Variants in CTNNA3 observed in about 807,000 individuals in gnomAD.
CTNNA3 encodes catenin alpha-3.
CTNNA3 carries 76 observed loss-of-function variants against 95.7 expected under a neutral mutation model. The observed-to-expected ratio is 0.79, with a 90% CI of 0.66 to 0.96. The LOEUF is 0.96. Ranked by LOEUF, CTNNA3 falls within the 40% of genes least tolerant of loss-of-function variation. CTNNA3 has a pLI of 0.00. For synonymous variants in CTNNA3, 431 were observed against 374.4 expected, an observed-to-expected ratio of 1.15 and a Z score of -1.74; for missense variants, 1,191 against 1,089.8, an observed-to-expected ratio of 1.09 and a Z score of -1.31.
Position 66,577,550 on chromosome 10 carries a change from C to T in CTNNA3, c.1374+44142G>A, listed in dbSNP as rs1273025539. Among the ~76,000 whole-genome samples the T allele has an allele frequency of 3.9e-5, 6 of 152,144 alleles. No individual in the cohort carries two copies. The East Asian group carries it at 1.2e-3, about 29-fold the overall frequency. On this transcript the variant is annotated intron_variant, in intron 10 of 17. Transcript: ENST00000433211. ...GTTTCAATCTTTTGCATATGGCTAG[C>T]CAGTGATCCCAGCACCATTTATTGA...
chr10:66,650,947 G>A (rs939503637), intron 9 of CTNNA3, among the ~76,000 whole-genome samples: 2 of 152,174 alleles, frequency 1.3e-5, no homozygotes, highest in African/African-American at 4.8e-5. Context: ...GCTGGCTCGG[G>A]CAGCCTCCTT....
intron 13 of CTNNA3, among the ~76,000 whole-genome samples, chr10:66,256,734 C>T (rs940100829): frequency 6.7e-6 from 1 of 148,598 alleles, no homozygotes; most frequent in Non-Finnish European, 1.5e-5. Context: ...AAAAAAAAAG[C>T]GTAAATTGGA....
At chr10:66,640,172 G>A (rs1845467963) in intron 9 of CTNNA3, among the ~76,000 whole-genome samples, 1 of 152,086 alleles carries the variant, frequency 6.6e-6, no homozygotes, top group Non-Finnish European at 1.5e-5. Flanking sequence ...TCTTTCCTGT[G>A]TCTTTTCTCC....
chr10:66,276,822 T>C (rs1439424756), intron 13 of CTNNA3, among the ~76,000 whole-genome samples: 1 of 146,752 alleles, frequency 6.8e-6, no homozygotes, highest in East Asian at 2.1e-4. Flanking sequence ...TATTATAGCC[T>C]ATTGTTTATT....
chr10:66,113,998 G>A (rs962099587), intron 13 of CTNNA3, among the ~76,000 whole-genome samples: 1 of 152,086 alleles, frequency 6.6e-6, no homozygotes, highest in East Asian at 1.9e-4. Flanking sequence ...AAATGGTGGT[G>A]GCAGCAGTAG....
intron 7 of CTNNA3, among the ~76,000 whole-genome samples, chr10:66,864,090 T>C (rs944060280): frequency 1.3e-5 from 2 of 152,130 alleles, no homozygotes; most frequent in African/African-American, 4.8e-5. Context: ...TTCTATGCCA[T>C]TATTGTTTTT....
chr10:66,274,045 C>A (rs556772155), intron 13 of CTNNA3, among the ~76,000 whole-genome samples: 16 of 152,032 alleles, frequency 1.1e-4, no homozygotes, highest in African/African-American at 3.9e-4. Flanking sequence ...CTTGGAAAAG[C>A]CAGGCAGGAT....
At chr10:66,840,918 A>G (rs1435321508) in intron 7 of CTNNA3, among the ~76,000 whole-genome samples, 1 of 152,170 alleles carries the variant, frequency 6.6e-6, no homozygotes, top group Non-Finnish European at 1.5e-5. Flanking sequence ...CATCTGTAAA[A>G]TGAGATGATT....
intron 1 of CTNNA3, among the ~76,000 whole-genome samples, chr10:67,650,766 C>A (rs1839854081): frequency 6.6e-6 from 1 of 152,182 alleles, no homozygotes; most frequent in Non-Finnish European, 1.5e-5. Flanking sequence ...ACAGCACGAA[C>A]CACGTTGTGT....
At chr10:67,670,992 T>A (rs1376154395) in intron 1 of CTNNA3, among the ~76,000 whole-genome samples, 1 of 152,174 alleles carries the variant, frequency 6.6e-6, no homozygotes, top group Admixed American at 6.5e-5. Flanking sequence ...TGTTTGTTTG[T>A]TTTTTGGTCT....
At chr10:66,687,900 C>A (rs1847360982) in intron 9 of CTNNA3, among the ~76,000 whole-genome samples, 1 of 151,882 alleles carries the variant, frequency 6.6e-6, no homozygotes, top group Admixed American at 6.6e-5. Flanking sequence ...ATATTGAGGT[C>A]AATTATACTA....
intron 5 of CTNNA3, among the ~76,000 whole-genome samples, chr10:67,367,834 G>A (rs12219960): frequency 6.6e-6 from 1 of 152,180 alleles, no homozygotes; most frequent in Non-Finnish European, 1.5e-5. Flanking sequence ...TTGCTTATAA[G>A]TGGGAGCTAA....
chr10:67,206,641 T>C (rs1185182335), intron 6 of CTNNA3, among the ~76,000 whole-genome samples: 1 of 150,520 alleles, frequency 6.6e-6, no homozygotes, highest in Non-Finnish European at 1.5e-5. Context: ...GCACTTCCAC[T>C]TAGGGAAGAA....
chr10:67,749,547 T>G (rs1276573692), intron 1 of CTNNA3, among the ~76,000 whole-genome samples: 1 of 152,188 alleles, frequency 6.6e-6, no homozygotes, highest in East Asian at 1.9e-4. Context: ...TTGAACAACC[T>G]GCTCCGAATG....
At chr10:66,928,013 C>G (rs774084468) in intron 7 of CTNNA3, 1 of 1,614,034 alleles carries the variant, frequency 6.2e-7, no homozygotes. Flanking sequence ...AAAAGTACTA[C>G]AGAGAGGTTT....
intron 5 of CTNNA3, among the ~76,000 whole-genome samples, chr10:67,301,275 T>C (rs1357417151): frequency 6.6e-6 from 1 of 152,096 alleles, no homozygotes; most frequent in African/African-American, 2.4e-5. Flanking sequence ...CTCCACAATC[T>C]TTACAATTAT....
intron 11 of CTNNA3, among the ~76,000 whole-genome samples, chr10:66,457,823 C>G (rs1018853688): frequency 3.3e-5 from 5 of 152,044 alleles, no homozygotes; most frequent in Admixed American, 3.3e-4. Context: ...TTGCATCTTG[C>G]AGATAAGCAG....
chr10:66,599,911 T>C (rs961910147), intron 10 of CTNNA3, among the ~76,000 whole-genome samples: 1 of 152,024 alleles, frequency 6.6e-6, no homozygotes, highest in Non-Finnish European at 1.5e-5. Flanking sequence ...GTCACTATGT[T>C]ACCTAGAGCT....
intron 7 of CTNNA3, among the ~76,000 whole-genome samples, chr10:66,957,049 T>C (rs779896934): frequency 6.6e-6 from 1 of 152,176 alleles, no homozygotes; most frequent in Admixed American, 6.6e-5. Flanking sequence ...TAATGCTACC[T>C]AGCTCTGTCT....
Sources: gnomAD v4.1 joint callset for allele counts (sites outside exome capture counted in the v4.1 genomes callset) on GRCh38, gnomAD v4.1.1 for gene constraint, MANE v1.5 for transcripts, NCBI Gene and HGNC (gene_info 2026-07-23, HGNC 2026-07-21) for gene names.